The following NCKAP5 variants were observed in gnomAD, a reference collection of about 807,000 sequenced individuals.
The protein encoded by NCKAP5 is nck-associated protein 5.
A neutral mutation model predicts 167.0 loss-of-function variants in NCKAP5; 92 were observed. The ratio of observed to expected loss-of-function variants is 0.55; its 90% CI spans 0.47 to 0.66. The LOEUF is 0.66. NCKAP5 is among the 30% of genes least tolerant of loss of function. The pLI, the probability that NCKAP5 is intolerant of heterozygous loss-of-function variation, is 0.00. For missense variants in NCKAP5, 2,378 were observed against 2,315.0 expected (o/e 1.03, Z -0.56); for synonymous variants, 891 against 877.4 (o/e 1.02, Z -0.27).
the NCKAP5 span, among the ~76,000 whole-genome samples, chr2:133,628,549 G>A: frequency 2.0e-5 from 3 of 152,216 alleles, no homozygotes; most frequent in African/African-American, 7.2e-5. Context: ...AATCAATATC[G>A]TGAAAATGGC....
chr2:133,035,809 G>C (rs1474303770), intron 6 of NCKAP5, among the ~76,000 whole-genome samples: 1 of 151,658 alleles, frequency 6.6e-6, no homozygotes, highest in Non-Finnish European at 1.5e-5. Flanking sequence ...ACTAAAATTA[G>C]TAGAAGAAAA....
At chr2:133,177,265 C>G (rs2084510282) in intron 5 of NCKAP5, among the ~76,000 whole-genome samples, 1 of 151,622 alleles carries the variant, frequency 6.6e-6, no homozygotes, top group Non-Finnish European at 1.5e-5. Context: ...TACAATGACT[C>G]AGGCCCTACA....
intron 8 of NCKAP5, chr2:132,926,104 T>C (rs531849158): frequency 1.6e-5 from 5 of 311,012 alleles, no homozygotes; most frequent in South Asian, 1.4e-4. Flanking sequence ...GTACACATTA[T>C]TTAGTTCCCA....
intron 3 of NCKAP5, among the ~76,000 whole-genome samples, chr2:133,486,631 C>G (rs1017955483): frequency 6.6e-6 from 1 of 152,186 alleles, no homozygotes; most frequent in African/African-American, 2.4e-5. Context: ...GTTCAGTCAG[C>G]TGAATTTACC....
At chr2:133,310,631 C>G (rs1464261677) in intron 3 of NCKAP5, among the ~76,000 whole-genome samples, 2 of 152,236 alleles carry the variant, frequency 1.3e-5, no homozygotes, top group African/African-American at 4.8e-5. Context: ...TCCTGTGAGT[C>G]TGGCTATTTC....
At position 133,552,030 on chromosome 2, in the gene NCKAP5, C is replaced by G. The variant is rs1225880956; in HGVS notation, c.-62+7020G>C. On this transcript the variant is annotated intron_variant, in intron 2 of 19. Transcript: ENST00000409261. ...CACTGGCCATCAGGGAAATGCAAAT[C>G]AAAACCACAATGAGATACCATCTCA... Among the ~76,000 whole-genome samples the G allele has an allele frequency of 1.5e-5, 2 of 129,790 alleles. 1 individual carries two copies. The highest frequency in any genetic ancestry group is 6.2e-5 in the African/African-American group (2 of 32,434). 85.1% of individuals were successfully genotyped at this position (129,790 alleles called of 152,430 possible).
intron 6 of NCKAP5, among the ~76,000 whole-genome samples, chr2:133,070,301 G>A (rs1219190738): frequency 3.3e-5 from 5 of 152,114 alleles, no homozygotes; most frequent in Non-Finnish European, 2.9e-5. Context: ...TAAAAAATGG[G>A]ATGATATGGC....
At chr2:133,394,920 C>T (rs1687643782) in intron 3 of NCKAP5, among the ~76,000 whole-genome samples, 2 of 152,206 alleles carry the variant, frequency 1.3e-5, no homozygotes, top group South Asian at 4.1e-4. Flanking sequence ...ATTTGTTCAC[C>T]TGGTCTCAAA....
At chr2:132,764,566 G>A (rs906031760) in intron 16 of NCKAP5, among the ~76,000 whole-genome samples, 5 of 152,162 alleles carry the variant, frequency 3.3e-5, no homozygotes, top group Non-Finnish European at 7.3e-5. Flanking sequence ...ATCCTGGCAA[G>A]TATTACTACA....
chr2:133,170,808 G>A (rs1479574367), intron 5 of NCKAP5, among the ~76,000 whole-genome samples: 2 of 152,076 alleles, frequency 1.3e-5, no homozygotes, highest in African/African-American at 4.8e-5. Flanking sequence ...TTTCACTTAA[G>A]CTTTCTTTTT....
intron 6 of NCKAP5, among the ~76,000 whole-genome samples, chr2:133,088,655 T>C (rs993556325): frequency 5.3e-5 from 8 of 152,228 alleles, no homozygotes; most frequent in African/African-American, 1.9e-4. Context: ...GCCTTTACTA[T>C]CCTGAAATGA....
At chr2:133,468,584 T>A (rs1044993613) in intron 3 of NCKAP5, among the ~76,000 whole-genome samples, 1 of 152,156 alleles carries the variant, frequency 6.6e-6, no homozygotes, top group Non-Finnish European at 1.5e-5. Flanking sequence ...TTCTGTCTCG[T>A]TGATCTGTCT....
At chr2:133,640,649 G>A in the NCKAP5 span, among the ~76,000 whole-genome samples, 9 of 152,248 alleles carry the variant, frequency 5.9e-5, no homozygotes, top group Non-Finnish European at 7.4e-5. Flanking sequence ...AGGCAAAAAC[G>A]TCAAAATGTA....
intron 4 of NCKAP5, among the ~76,000 whole-genome samples, chr2:133,271,081 G>A (rs866363088): frequency 7.0e-6 from 1 of 143,782 alleles, no homozygotes; most frequent in Non-Finnish European, 1.5e-5. Context: ...CACCAGGCCC[G>A]GCTAATTTTT....
chr2:132,886,418 TA>T (rs1238024020), intron 8 of NCKAP5, among the ~76,000 whole-genome samples: 2 of 152,350 alleles, frequency 1.3e-5, no homozygotes, highest in Non-Finnish European at 2.9e-5. Context: ...ACTGTGTAGT[TA>T]TCACATTCAG....
intron 19 of NCKAP5, among the ~76,000 whole-genome samples, chr2:132,691,190 C>A (rs1686682395): frequency 6.6e-6 from 1 of 152,300 alleles, no homozygotes; most frequent in East Asian, 1.9e-4. Flanking sequence ...ACCATCAGCT[C>A]TTGCCTAGAT....
At position 133,369,608 on chromosome 2, in the gene NCKAP5, C is replaced by A. The variant is rs530420586; in HGVS notation, c.70-66498G>T. 2.0e-5 allele frequency among the ~76,000 whole-genome samples: 3 copies of A among 152,280 alleles called. No individual in the cohort carries two copies. The South Asian group carries it at 6.2e-4, about 32-fold the overall frequency. ...TGCATCAGCCATGCTCCTCTTATTT[C>A]ATGCAACTATAGCAAACACAGGGGG... On this transcript the variant is annotated intron_variant, in intron 3 of 19. Transcript: ENST00000409261.
intron 6 of NCKAP5, among the ~76,000 whole-genome samples, chr2:133,033,425 A>G (rs1046062181): frequency 6.6e-6 from 1 of 152,202 alleles, no homozygotes; most frequent in Non-Finnish European, 1.5e-5. Flanking sequence ...GACTAGAATG[A>G]ATACCTAACT....
chr2:133,200,962 T>C (rs911400887), intron 5 of NCKAP5, among the ~76,000 whole-genome samples: 16 of 152,204 alleles, frequency 1.1e-4, no homozygotes, highest in Admixed American at 5.9e-4. Context: ...ACCCTACATA[T>C]ACTATTTTTT....
Sources: allele counts gnomAD v4.1 joint callset (sites outside exome capture counted in the v4.1 genomes callset), GRCh38; gene constraint gnomAD v4.1.1; transcripts MANE v1.5; gene names NCBI Gene and HGNC (gene_info 2026-07-23, HGNC 2026-07-21).